The following BRK1 variants were observed in gnomAD, a reference collection of about 807,000 sequenced individuals.
The protein encoded by BRK1 is BRICK1 subunit of SCAR/WAVE actin nucleating complex.
BRK1 carries 6 observed loss-of-function variants against 9.9 expected under a neutral mutation model. The observed-to-expected ratio is 0.60, with a 90% CI of 0.33 to 1.19. The LOEUF is 1.19. Ranked by LOEUF, BRK1 falls within the 50% of genes most tolerant of loss-of-function variation. BRK1 has a pLI of 0.04. For missense variants in BRK1, 62 were observed against 97.5 expected (o/e 0.64, Z 1.53); for synonymous variants, 44 against 31.9 (o/e 1.38, Z -1.28).
At chr3:10,123,732 CTTTT>C (rs71626962) in intron 1 of BRK1, among the ~76,000 whole-genome samples, 12 of 48,692 alleles carry the variant, frequency 2.5e-4, no homozygotes, top group African/African-American at 1.8e-3. Flanking sequence ...CGTGCCTGGC[CTTTT>C]TTTTTTTTTT....
intron 1 of BRK1, among the ~76,000 whole-genome samples, chr3:10,116,721 A>G (rs985565089): frequency 1.3e-5 from 2 of 152,192 alleles, no homozygotes; most frequent in Admixed American, 6.5e-5. Context: ...TAAAGGACTG[A>G]TGGCCTTAGG....
At chr3:10,117,652 C>T (rs1695704333) in intron 1 of BRK1, among the ~76,000 whole-genome samples, 1 of 152,176 alleles carries the variant, frequency 6.6e-6, no homozygotes, top group African/African-American at 2.4e-5. Flanking sequence ...CCGCTTCGGC[C>T]TCCCAAAGTG....
intron 1 of BRK1, among the ~76,000 whole-genome samples, chr3:10,119,669 A>G (rs903897758): frequency 1.3e-5 from 2 of 152,194 alleles, no homozygotes; most frequent in Admixed American, 1.3e-4. Context: ...CGTGAACTTG[A>G]GGACATACAA....
intron 1 of BRK1, among the ~76,000 whole-genome samples, chr3:10,123,136 A>G (rs1487568691): frequency 6.6e-6 from 1 of 152,242 alleles, no homozygotes; most frequent in Non-Finnish European, 1.5e-5. Flanking sequence ...AATAGTTGGA[A>G]AAAGAATAGT....
At chr3:10,121,444 A>G (rs1012355025) in intron 1 of BRK1, among the ~76,000 whole-genome samples, 2 of 152,128 alleles carry the variant, frequency 1.3e-5, no homozygotes, top group African/African-American at 4.8e-5. Flanking sequence ...CAGTGACCCA[A>G]CATGGGCCCT....
intron 1 of BRK1, among the ~76,000 whole-genome samples, chr3:10,119,069 C>T (rs1055395316): frequency 2.0e-5 from 3 of 147,902 alleles, no homozygotes; most frequent in Non-Finnish European, 3.0e-5. Context: ...TGCAGTGGTG[C>T]GATCTCGGCT....
At chr3:10,126,023 G>A (rs1695834836) in intron 2 of BRK1, among the ~76,000 whole-genome samples, 1 of 151,328 alleles carries the variant, frequency 6.6e-6, no homozygotes, top group African/African-American at 2.4e-5. Context: ...CCTGGGAGGT[G>A]GAGGTTGCAG....
intron 1 of BRK1, among the ~76,000 whole-genome samples, chr3:10,121,679 A>G (rs1286155084): frequency 6.6e-6 from 1 of 152,158 alleles, no homozygotes; most frequent in Non-Finnish European, 1.5e-5. Context: ...CAAGTACATA[A>G]ATATCATTTG....
intron 1 of BRK1, among the ~76,000 whole-genome samples, chr3:10,120,227 C>T (rs925221056): frequency 6.6e-6 from 1 of 151,056 alleles, no homozygotes; most frequent in African/African-American, 2.4e-5. Context: ...TGGAGTCTTG[C>T]TGTGTTGCCC....
chr3:10,115,742 A>G lies in BRK1; in HGVS notation c.41A>G (p.Gln14Arg). Reference sequence around the variant, plus strand: ...GATCCGGTGCAGCGGGAGATTCACCAGGACTGGGCTAACCGGGAGTACATT... The same window carrying G: ...GATCCGGTGCAGCGGGAGATTCACCGGGACTGGGCTAACCGGGAGTACATT... ...QEDPVQREIH[Q>R]DWANREYIEI... Residue 14 changes from glutamine to arginine, a missense_variant, in exon 1 of 3, where the codon CAG (glutamine) becomes CGG (arginine). Gln to Arg is a conservative substitution (Grantham distance 43). Coordinates refer to ENST00000530758, the MANE Select transcript of BRK1 (RefSeq NM_018462.5). 6.2e-7 allele frequency: 1 copy of G among 1,613,954 alleles called. No homozygotes were observed. The highest frequency in any genetic ancestry group is 8.5e-7 in the Non-Finnish European group (1 of 1,179,866).
At chr3:10,117,335 A>G (rs1314302008) in intron 1 of BRK1, among the ~76,000 whole-genome samples, 9 of 151,234 alleles carry the variant, frequency 6.0e-5, no homozygotes, top group African/African-American at 1.9e-4. Flanking sequence ...AATTTGTAAG[A>G]GTCACATTTT....
Position 10,125,697 on chromosome 3 carries a change from A to G in BRK1, c.190A>G (p.Ile64Val). Residue 64 changes from isoleucine to valine, a missense_variant, in exon 2 of 3, where the codon ATT becomes GTT. Transcript: ENST00000530758. ...AGCCCTTGAACGGAGAATAGAGTAC[A>G]TTGAAGCTCGGGTGAGTTTGATGGG... ...LTALERRIEY[I>V]EARVTKGETL... The G allele has an allele frequency of 6.2e-7, 1 of 1,611,900 alleles. No homozygotes were observed. Among genetic ancestry groups the G allele is most frequent in the South Asian group, 1.1e-5 (1 of 90,696 alleles).
Position 10,115,722 on chromosome 3 carries a change from G to C in BRK1, c.21G>C (p.Pro7=). ...CGGCCATGGCGGGACAGGAGGATCC[G>C]GTGCAGCGGGAGATTCACCAGGACT... MAGQED[P]VQREIHQDWA... Residue 7 remains proline (P), a synonymous_variant, in exon 1 of 3, where the codon CCG becomes CCC. Transcript: ENST00000530758. 2 of 1,610,330 alleles carry C rather than the reference G, an allele frequency of 1.2e-6. No individual in the cohort carries two copies. Among genetic ancestry groups the C allele is most frequent in the South Asian group, 1.1e-5 (1 of 91,006 alleles).
In BRK1 at chr3:10,126,249, G is replaced by C. The variant is rs572806196; in HGVS notation, c.202-20G>C. On this transcript the variant is annotated intron_variant, in intron 2 of 2. Coordinates refer to ENST00000530758, the MANE Select transcript of BRK1 (RefSeq NM_018462.5). Reference sequence around the variant, plus strand: ...TCTTTTTTAATTTATCTAAATGTCAGTTTTCCTTTCCTTTCACAGGTGACA... The same window carrying C: ...TCTTTTTTAATTTATCTAAATGTCACTTTTCCTTTCCTTTCACAGGTGACA... 5 of 1,511,920 alleles carry C rather than the reference G, an allele frequency of 3.3e-6. No homozygotes were observed. The African/African-American group carries it at 7.1e-5, about 21-fold the overall frequency. The allele number at this position is 1,511,920 out of a possible 1,614,324, so 93.7% of individuals were successfully genotyped here. A position where few individuals can be genotyped will look rare whatever the true frequency, so the allele number is the denominator to read the frequency against.
In BRK1 at chr3:10,126,350, A is replaced by C; in HGVS notation, c.*55A>C. On this transcript the variant is annotated 3_prime_UTR_variant, in exon 3 of 3. Coordinates refer to ENST00000530758, the MANE Select transcript of BRK1 (RefSeq NM_018462.5). Reference sequence around the variant, plus strand: ...CTTTACACAACACAGGCCACATGGGAAAGGCCCCAGCAGCCTTCAGCTCCT... The same window carrying C: ...CTTTACACAACACAGGCCACATGGGCAAGGCCCCAGCAGCCTTCAGCTCCT... 1 of 1,510,714 alleles carries C rather than the reference A, an allele frequency of 6.6e-7. No homozygotes were observed. Among genetic ancestry groups the C allele is most frequent in the Non-Finnish European group, 9.0e-7 (1 of 1,108,908 alleles). 93.6% of individuals were successfully genotyped at this position (1,510,714 alleles called of 1,614,324 possible). A position where few individuals can be genotyped will look rare whatever the true frequency, so the allele number is the denominator to read the frequency against.
chr3:10,119,098 C>T (rs1029348655), intron 1 of BRK1, among the ~76,000 whole-genome samples: 2 of 149,424 alleles, frequency 1.3e-5, no homozygotes, highest in African/African-American at 5.0e-5. Flanking sequence ...GCTCTGCACT[C>T]GCGCCACTGC....
chr3:10,121,015 C>G (rs1325852010), intron 1 of BRK1, among the ~76,000 whole-genome samples: 1 of 152,142 alleles, frequency 6.6e-6, no homozygotes, highest in Admixed American at 6.6e-5. Flanking sequence ...TTGGGCAGTT[C>G]CGACAGAAAG....
intron 1 of BRK1, among the ~76,000 whole-genome samples, chr3:10,123,167 G>A (rs1189250625): frequency 6.6e-6 from 1 of 152,192 alleles, no homozygotes; most frequent in East Asian, 1.9e-4. Context: ...GAAGTTTGCA[G>A]AGAAAAAGTT....
chr3:10,123,764 C>G (rs1695797725), intron 1 of BRK1, among the ~76,000 whole-genome samples: 1 of 75,084 alleles, frequency 1.3e-5, no homozygotes, highest in Admixed American at 1.9e-4. Flanking sequence ...GAGATGGAGT[C>G]TCACTCTGTC....
Sources: allele counts gnomAD v4.1 joint callset (sites outside exome capture counted in the v4.1 genomes callset), GRCh38; gene constraint gnomAD v4.1.1; transcripts MANE v1.5; gene names NCBI Gene and HGNC (gene_info 2026-07-23, HGNC 2026-07-21).